Variants in CLIC6 observed in about 807,000 individuals in gnomAD.
The protein encoded by CLIC6 is chloride intracellular channel protein 6.
In CLIC6, 39 loss-of-function variants were observed where a neutral mutation model predicts 49.2. That is an observed-to-expected ratio of 0.79 (90% CI 0.61 to 1.04). The LOEUF (loss-of-function observed/expected upper bound fraction) is 1.04, where lower values mean the gene tolerates loss of function less well. Among genes scored for constraint, CLIC6 ranks in the 50% least tolerant of loss-of-function variants. The pLI, the probability that CLIC6 is intolerant of heterozygous loss-of-function variation, is 0.00. For missense variants in CLIC6, 988 were observed against 993.1 expected, an observed-to-expected ratio of 0.99 and a Z score of 0.07; for synonymous variants, 446 against 433.4, an observed-to-expected ratio of 1.03 and a Z score of -0.36.
intron 1 of CLIC6, among the ~76,000 whole-genome samples, chr21:34,673,820 T>G (rs992647887): frequency 6.6e-6 from 1 of 152,254 alleles, no homozygotes. Flanking sequence ...GGAAATTAGT[T>G]CAGAATAGGA....
chr21:34,677,770 C>T lies in CLIC6; in HGVS notation c.1374+7008C>T, dbSNP rs943775388. Among the ~76,000 whole-genome samples the T allele has an allele frequency of 2.4e-4, 36 of 152,044 alleles. 1 individual carries two copies. The highest frequency in any genetic ancestry group is 8.0e-4 in the African/African-American group (33 of 41,402). ...TAATGGCTAGAACTGGATTCTGTGC[C>T]CCAACCCCCTCCAGGCCTTTTACAA... On this transcript the variant is annotated intron_variant, in intron 1 of 5. Coordinates refer to ENST00000349499, the MANE Select transcript of CLIC6 (RefSeq NM_053277.3).
At chr21:34,672,973 A>G (rs926608536) in intron 1 of CLIC6, among the ~76,000 whole-genome samples, 10 of 152,224 alleles carry the variant, frequency 6.6e-5, no homozygotes, top group Admixed American at 1.3e-4. Flanking sequence ...CATAACTTGC[A>G]CTGATTTTGC....
intron 1 of CLIC6, among the ~76,000 whole-genome samples, chr21:34,693,965 T>G (rs1272448098): frequency 6.8e-6 from 1 of 147,818 alleles, no homozygotes; most frequent in Admixed American, 6.8e-5. Context: ...GTTGTTGTTG[T>G]TGTTGTTTTC....
intron 1 of CLIC6, among the ~76,000 whole-genome samples, chr21:34,706,282 C>G (rs1486933732): frequency 1.3e-5 from 2 of 152,086 alleles, no homozygotes; most frequent in Non-Finnish European, 1.5e-5. Flanking sequence ...TTCAACAGCT[C>G]AATCTTGTCA....
intron 1 of CLIC6, among the ~76,000 whole-genome samples, chr21:34,703,908 G>A (rs971228690): frequency 6.6e-6 from 1 of 152,170 alleles, no homozygotes; most frequent in Non-Finnish European, 1.5e-5. Flanking sequence ...AGTTGAATTC[G>A]AAAGGCAAAC....
chr21:34,713,742 A>C (rs1038271795), intron 5 of CLIC6, among the ~76,000 whole-genome samples: 2 of 152,244 alleles, frequency 1.3e-5, no homozygotes, highest in Admixed American at 6.5e-5. Context: ...GGATGACCTG[A>C]ATCTTCAGTT....
chr21:34,716,831 TTCTCTC>T lies in CLIC6; in HGVS notation c.*373_*378del, dbSNP rs142197835. ...CATGTTCCAAATCTTCAGTATCTTG[TTCTCTC>T]TCTCTCTCTCTCTCTCTCTCTCTAT... On this transcript the variant is annotated 3_prime_UTR_variant, in exon 6 of 6. Transcript: ENST00000349499. 2.0e-4 allele frequency: 27 copies of T among 133,906 alleles called. No homozygotes were observed. Among genetic ancestry groups the T allele is most frequent in the Admixed American group, 4.5e-4 (6 of 13,290 alleles). 8.3% of individuals were successfully genotyped at this position (133,906 alleles called of 1,614,324 possible). A position where few individuals can be genotyped will look rare whatever the true frequency, so the allele number is the denominator to read the frequency against.
chr21:34,680,431 C>T (rs989974226), intron 1 of CLIC6, among the ~76,000 whole-genome samples: 27 of 152,212 alleles, frequency 1.8e-4, no homozygotes, highest in Admixed American at 1.5e-3. Context: ...ACTGACATGC[C>T]CTGGAGATAT....
intron 1 of CLIC6, among the ~76,000 whole-genome samples, chr21:34,684,126 T>G (rs1989831882): frequency 6.6e-6 from 1 of 152,188 alleles, no homozygotes; most frequent in Non-Finnish European, 1.5e-5. Flanking sequence ...AGTGCTGTTT[T>G]GCACCCAAAT....
intron 1 of CLIC6, among the ~76,000 whole-genome samples, chr21:34,685,587 C>G (rs1989861936): frequency 6.6e-6 from 1 of 152,208 alleles, no homozygotes. Flanking sequence ...CAACTCTCTT[C>G]CCATAAATGA....
At chr21:34,693,980 T>C (rs947038418) in intron 1 of CLIC6, among the ~76,000 whole-genome samples, 1 of 141,172 alleles carries the variant, frequency 7.1e-6, no homozygotes, top group African/African-American at 2.5e-5. Context: ...GTTTTCTTTT[T>C]TTTTTTTTTT....
chr21:34,671,799 C>A (rs1363550610), intron 1 of CLIC6, among the ~76,000 whole-genome samples: 1 of 152,124 alleles, frequency 6.6e-6, no homozygotes, highest in Non-Finnish European at 1.5e-5. Flanking sequence ...AGGAAATGCT[C>A]CCAATGTGAT....
intron 1 of CLIC6, among the ~76,000 whole-genome samples, chr21:34,700,426 G>C (rs1482684565): frequency 8.5e-6 from 1 of 117,700 alleles, no homozygotes; most frequent in African/African-American, 3.9e-5. Context: ...CAGCCTGGGC[G>C]ACAGAGCGAG....
intron 5 of CLIC6, among the ~76,000 whole-genome samples, chr21:34,711,131 G>A (rs1382402380): frequency 6.6e-6 from 1 of 152,216 alleles, no homozygotes; most frequent in Admixed American, 6.5e-5. Context: ...TCCTGCCAGG[G>A]CCAGAGCCAG....
chr21:34,700,395 C>A (rs368347635), intron 1 of CLIC6, among the ~76,000 whole-genome samples: 1 of 128,092 alleles, frequency 7.8e-6, no homozygotes, highest in African/African-American at 3.3e-5. Context: ...TGCAGTGAGC[C>A]GAGATCGCGC....
chr21:34,697,224 A>AT (rs55854330), intron 1 of CLIC6, among the ~76,000 whole-genome samples: 1,830 of 151,948 alleles, frequency 0.012, 15 homozygotes, highest in Non-Finnish European at 0.019. Flanking sequence ...TACGCCAGTG[A>AT]TTTTTTTAAC....
At chr21:34,702,549 T>C (rs936292759) in intron 1 of CLIC6, among the ~76,000 whole-genome samples, 2 of 152,130 alleles carry the variant, frequency 1.3e-5, no homozygotes, top group Non-Finnish European at 1.5e-5. Context: ...TAGCGTCAGT[T>C]GTACATGCAG....
rs552241079 is a variant in CLIC6, at chr21:34,708,067, G to A, written c.1608G>A (p.Pro536=). The A allele has an allele frequency of 2.8e-5, 46 of 1,614,068 alleles. No individual in the cohort carries two copies. Among genetic ancestry groups the A allele is most frequent in the Admixed American group, 2.7e-4 (16 of 60,002 alleles). The change falls in exon 3 of 6, where the codon CCG becomes CCA. Residue 536 remains proline, a splice_region_variant and synonymous_variant. Transcript: ENST00000349499. Reference sequence around the variant, plus strand: ...TCTTAGAGGAGAAATTAGCTCCCCCGAGGTAGGCCTCAGAAAACCAGTGTT... The same window carrying A: ...TCTTAGAGGAGAAATTAGCTCCCCCAAGGTAGGCCTCAGAAAACCAGTGTT... ...EEFLEEKLAP[P]RYPKLGTQHP...
At chr21:34,672,829 C>T (rs555195044) in intron 1 of CLIC6, among the ~76,000 whole-genome samples, 14 of 152,152 alleles carry the variant, frequency 9.2e-5, no homozygotes, top group Admixed American at 2.6e-4. Context: ...AAAATGGGGA[C>T]GGTAATAGTA....
Sources: allele counts gnomAD v4.1 joint callset (sites outside exome capture counted in the v4.1 genomes callset), GRCh38; gene constraint gnomAD v4.1.1; transcripts MANE v1.5; gene names NCBI Gene and HGNC (gene_info 2026-07-23, HGNC 2026-07-21).